The following STRN variants were observed in gnomAD, a reference collection of about 807,000 sequenced individuals.
The protein encoded by STRN is protein phosphatase 2 regulatory subunit B'''alpha.
A neutral mutation model predicts 96.3 loss-of-function variants in STRN; 53 were observed. That is an observed-to-expected ratio of 0.55 (90% CI 0.44 to 0.69). STRN has a LOEUF of 0.69. STRN is among the 30% of genes least tolerant of loss of function. The pLI is 0.00. For missense variants in STRN, 987 were observed against 963.9 expected, an observed-to-expected ratio of 1.02 and a Z score of -0.32; for synonymous variants, 428 against 355.9, an observed-to-expected ratio of 1.20 and a Z score of -2.28.
At chr2:36,951,002 A>G (rs1664739894) in intron 1 of STRN, among the ~76,000 whole-genome samples, 1 of 152,200 alleles carries the variant, frequency 6.6e-6, no homozygotes, top group Admixed American at 6.5e-5. Flanking sequence ...ATAAAATCAG[A>G]AAAGGAGAAT....
intron 1 of STRN, among the ~76,000 whole-genome samples, chr2:36,936,470 C>T (rs1311121903): frequency 1.3e-5 from 2 of 152,104 alleles, no homozygotes; most frequent in Non-Finnish European, 2.9e-5. Flanking sequence ...GAAGTATTAA[C>T]AATGACTAAG....
At chr2:36,952,449 G>GAA (rs10557458) in intron 1 of STRN, among the ~76,000 whole-genome samples, 6 of 76,850 alleles carry the variant, frequency 7.8e-5, no homozygotes, top group Admixed American at 1.4e-4. Context: ...AAGCACGAGA[G>GAA]AAAAAAAAAA....
At chr2:36,852,016 C>CTA (rs991895437) in intron 15 of STRN, among the ~76,000 whole-genome samples, 3 of 152,128 alleles carry the variant, frequency 2.0e-5, no homozygotes, top group African/African-American at 7.2e-5. Flanking sequence ...ATCATTAAGC[C>CTA]TATATTACAG....
chr2:36,858,782 G>A (rs1668411033), intron 13 of STRN, among the ~76,000 whole-genome samples: 1 of 152,202 alleles, frequency 6.6e-6, no homozygotes. Context: ...GACACACTGT[G>A]TGTCAGGCAC....
chr2:36,902,783 T>C (rs1558645618), intron 4 of STRN, 32 bp from the exon 5 acceptor site: 3 of 1,532,284 alleles, frequency 2.0e-6, no homozygotes, highest in South Asian at 1.3e-5. Flanking sequence ...AGTTCAGTCA[T>C]ACTGGAATCA....
chr2:36,930,230 G>A (rs558020000), intron 1 of STRN, among the ~76,000 whole-genome samples: 3 of 151,712 alleles, frequency 2.0e-5, no homozygotes, highest in Non-Finnish European at 2.9e-5. Context: ...TCAGGAGTTC[G>A]AGACCAGCCT....
chr2:36,964,904 C>G (rs1235174481), intron 1 of STRN, among the ~76,000 whole-genome samples: 3 of 152,168 alleles, frequency 2.0e-5, no homozygotes, highest in African/African-American at 7.2e-5. Context: ...AGCTGGCACT[C>G]AATACACAGG....
chr2:36,899,470 G>C, intron 6 of STRN, 53 bp downstream of exon 6: 1 of 1,489,464 alleles, frequency 6.7e-7, no homozygotes, highest in Non-Finnish European at 9.1e-7. Context: ...GCATTATACA[G>C]TATGTATTAT....
At chr2:36,894,224 G>C (rs1485306786) in intron 6 of STRN, among the ~76,000 whole-genome samples, 191 bp from the exon 7 acceptor site, 2 of 152,072 alleles carry the variant, frequency 1.3e-5, no homozygotes, top group African/African-American at 4.8e-5. Context: ...TTTAAACTTT[G>C]CTCAACGGTA....
intron 1 of STRN, among the ~76,000 whole-genome samples, chr2:36,940,734 G>A (rs1365723511): frequency 6.6e-6 from 1 of 151,722 alleles, no homozygotes; most frequent in Non-Finnish European, 1.5e-5. Context: ...CTATTCGGGA[G>A]GCTGAGGCAG....
chr2:36,861,638 A>C (rs574531163), intron 12 of STRN, among the ~76,000 whole-genome samples: 1 of 152,220 alleles, frequency 6.6e-6, no homozygotes, highest in Non-Finnish European at 1.5e-5. Context: ...GACTCTTTAT[A>C]TAAAAAGTAT....
At chr2:36,885,585 A>G (rs1312446778) in intron 8 of STRN, among the ~76,000 whole-genome samples, 16 of 152,120 alleles carry the variant, frequency 1.1e-4, no homozygotes, top group Admixed American at 1.0e-3. Context: ...TCATTATGTA[A>G]TGGTTTAACA....
chr2:36,950,409 T>G (rs1664726385), intron 1 of STRN, among the ~76,000 whole-genome samples: 2 of 152,062 alleles, frequency 1.3e-5, no homozygotes, highest in Non-Finnish European at 1.5e-5. Flanking sequence ...AGAGATGAGG[T>G]TTCACCATGT....
intron 15 of STRN, among the ~76,000 whole-genome samples, chr2:36,853,850 C>G (rs1668278892): frequency 6.6e-6 from 1 of 151,998 alleles, no homozygotes; most frequent in Non-Finnish European, 1.5e-5. Flanking sequence ...TTTCTTTATA[C>G]AACTTTAAAA....
At chr2:36,940,905 C>G (rs1415682347) in intron 1 of STRN, among the ~76,000 whole-genome samples, 1 of 150,454 alleles carries the variant, frequency 6.6e-6, no homozygotes, top group East Asian at 1.9e-4. Context: ...GTAATCCCAG[C>G]ACTTTGGGAG....
intron 2 of STRN, among the ~76,000 whole-genome samples, chr2:36,922,211 G>C (rs939467672): frequency 5.3e-5 from 8 of 152,106 alleles, no homozygotes; most frequent in African/African-American, 1.7e-4. Flanking sequence ...TCCTCTATTA[G>C]AGGTCATTTT....
chr2:36,920,220 T>G (rs1378246963), intron 2 of STRN, among the ~76,000 whole-genome samples: 1 of 152,242 alleles, frequency 6.6e-6, no homozygotes, highest in Admixed American at 6.5e-5. Flanking sequence ...TTTTCCTCAA[T>G]AATTTTTTTT....
Position 36,869,743 on chromosome 2 carries a change from A to ACC in STRN, c.1324-15_1324-14insGG. ...ATTGTTTGCTATCTATTAAAGAAAC[A>ACC]AAACAAAGATATCTACACACTTAGT... On this transcript the variant is annotated splice_polypyrimidine_tract_variant and intron_variant, in intron 10 of 17. Transcript: ENST00000263918. 1 of 1,561,408 alleles carries ACC rather than the reference A, an allele frequency of 6.4e-7. No homozygotes were observed. The highest frequency in any genetic ancestry group is 8.7e-7 in the Non-Finnish European group (1 of 1,154,516).
rs1667905891 is a variant in STRN at position 36,839,777 on chromosome 2, T to C, written c.*9679A>G. ...CATGGTATATGTTTAATGTTGAGAT[T>C]ATTCGTTGAATATTTCATATGTAAT... is the stretch of plus-strand genomic sequence containing the variant. On this transcript the variant is annotated 3_prime_UTR_variant, in exon 18 of 18. Transcript: ENST00000263918. 1 of 152,216 alleles carries C rather than the reference T, an allele frequency of 6.6e-6. No homozygotes were observed. Among genetic ancestry groups the C allele is most frequent in the Non-Finnish European group, 1.5e-5 (1 of 68,032 alleles). The allele number at this position is 152,216 out of a possible 1,614,324, so 9.4% of individuals were successfully genotyped here. A position where few individuals can be genotyped will look rare whatever the true frequency, so the allele number is the denominator to read the frequency against.
Sources: allele counts gnomAD v4.1 joint callset (sites outside exome capture counted in the v4.1 genomes callset), GRCh38; gene constraint gnomAD v4.1.1; transcripts MANE v1.5; gene names NCBI Gene and HGNC (gene_info 2026-07-23, HGNC 2026-07-21).